The following GPR78 variants were observed in gnomAD, a reference collection of about 807,000 sequenced individuals.
The protein encoded by GPR78 is G protein-coupled receptor 78.
Under a neutral mutation model 17.9 loss-of-function variants are expected in GPR78, and 29 were observed. The observed-to-expected ratio is 1.62, with a 90% CI of 1.20 to 2.21. The LOEUF is 2.21. Ranked by LOEUF, GPR78 falls within the 30% of genes most tolerant of loss-of-function variation. GPR78 has a pLI of 0.00. For missense variants in GPR78, 649 were observed against 530.5 expected, an observed-to-expected ratio of 1.22 and a Z score of -2.19; for synonymous variants, 349 against 256.9, an observed-to-expected ratio of 1.36 and a Z score of -3.43.
In GPR78 at chr4:8,587,491, C is replaced by T. The variant is rs1713562772; in HGVS notation, c.*128C>T. 2.2e-6 allele frequency: 2 copies of T among 897,818 alleles called. No individual in the cohort carries two copies. The highest frequency in any genetic ancestry group is 3.5e-5 in the South Asian group (2 of 56,982). 55.6% of individuals were successfully genotyped at this position (897,818 alleles called of 1,614,324 possible). A position where few individuals can be genotyped will look rare whatever the true frequency, so the allele number is the denominator to read the frequency against. ...TTGACTTTGAGCTAAGGCTGAAGTA[C>T]AGGAGGAGGAGGAGGAGAGGGCCGG... On this transcript the variant is annotated 3_prime_UTR_variant, in exon 3 of 3. Coordinates refer to ENST00000382487, the MANE Select transcript of GPR78 (RefSeq NM_080819.5).
chr4:8,580,678 C>G lies in GPR78; in HGVS notation c.-305C>G. The G allele has an allele frequency of 2.2e-6, 1 of 456,372 alleles. No individual in the cohort carries two copies. Among genetic ancestry groups the G allele is most frequent in the Middle Eastern group, 5.5e-4 (1 of 1,830 alleles). The allele number at this position is 456,372 out of a possible 1,614,324, so 28.3% of individuals were successfully genotyped here. A position where few individuals can be genotyped will look rare whatever the true frequency, so the allele number is the denominator to read the frequency against. On this transcript the variant is annotated 5_prime_UTR_variant, in exon 1 of 3. Coordinates refer to ENST00000382487, the MANE Select transcript of GPR78 (RefSeq NM_080819.5). Reference sequence around the variant, plus strand: ...CGCCCCGCGCCCCTGCGCCTCGCTTCAGCCTCAGGACAGTCCTGCCGGGAC... The same window carrying G: ...CGCCCCGCGCCCCTGCGCCTCGCTTGAGCCTCAGGACAGTCCTGCCGGGAC...
rs1383469660 is a variant in GPR78 at position 8,587,123 on chromosome 4, C to T, written c.852C>T (p.Tyr284=). The T allele has an allele frequency of 7.4e-6, 12 of 1,613,238 alleles. No individual in the cohort carries two copies. The highest frequency in any genetic ancestry group is 1.0e-5 in the Non-Finnish European group (12 of 1,179,954). ...GCATCCTCAGCAAGTGCCTGACCTA[C>T]AGCAAGGCGGTGGCCGACCCGTTCA... The part of the protein sequence containing the change: ...QWGILSKCLT[Y]SKAVADPFTY... The change falls in exon 3 of 3, where the codon TAC becomes TAT. Residue 284 remains tyrosine, a synonymous_variant. Transcript: ENST00000382487.
intron 2 of GPR78, among the ~76,000 whole-genome samples, chr4:8,583,225 G>T (rs1334774071): frequency 6.6e-6 from 1 of 152,146 alleles, no homozygotes; most frequent in East Asian, 1.9e-4. Flanking sequence ...TTGCCTCCGG[G>T]GTTCCTGGGT....
At position 8,581,346 on chromosome 4, in the gene GPR78, T is replaced by A; in HGVS notation, c.364T>A (p.Tyr122Asn). Residue 122 changes from tyrosine to asparagine, a missense_variant, in exon 1 of 3, where the codon TAT becomes AAT. Tyr to Asn is a moderately radical substitution (Grantham distance 143). Transcript: ENST00000382487. ...LRYAGRLRPR[Y>N]AGLLLGCAWG... ...CTACGCCGGACGCCTGCGACCGCGC[T>A]ATGCCGGCCTGCTGCTGGGCTGTGC... 1 of 1,577,658 alleles carries A rather than the reference T, an allele frequency of 6.3e-7. No homozygotes were observed. Among genetic ancestry groups the A allele is most frequent in the African/African-American group, 1.3e-5 (1 of 74,490 alleles).
intron 2 of GPR78, 107 bp from the exon 3 acceptor site, chr4:8,586,947 G>A: frequency 1.0e-6 from 1 of 969,860 alleles, no homozygotes; most frequent in Non-Finnish European, 1.6e-6. Context: ...GTGAGCATCA[G>A]GGCTGCGGTA....
In GPR78 at chr4:8,581,441, C is replaced by G. The variant is rs756563522; in HGVS notation, c.459C>G (p.Phe153Leu). The G allele has an allele frequency of 1.1e-4, 170 of 1,590,506 alleles. 1 individual carries two copies. The highest frequency in any genetic ancestry group is 5.4e-4 in the Middle Eastern group (3 of 5,516). The change falls in exon 1 of 3, where the codon TTC becomes TTG. Residue 153 changes from phenylalanine (F) to leucine (L), a missense_variant. Physicochemically the swap from Phe to Leu is conservative, Grantham distance 22. Transcript: ENST00000382487. ...CGTGGCTTGGCTACAGCAGCGCCTT[C>G]GCGTCCTGTTCGCTGCGCCTGCCGC... ...GCSWLGYSSA[F>L]ASCSLRLPPE... is the part of the protein sequence containing the mutation.
In GPR78 at chr4:8,581,657, G is replaced by C. The variant is rs1713295276; in HGVS notation, c.668+7G>C. 1 of 1,455,140 alleles carries C rather than the reference G, an allele frequency of 6.9e-7. No homozygotes were observed. The highest frequency in any genetic ancestry group is 1.4e-5 in the African/African-American group (1 of 69,858). The allele number at this position is 1,455,140 out of a possible 1,614,324, so 90.1% of individuals were successfully genotyped here. A position where few individuals can be genotyped will look rare whatever the true frequency, so the allele number is the denominator to read the frequency against. Reference sequence around the variant, plus strand: ...TCGCCGACCTGCACCCCAGGTATTGGCCCAGTGCATGCCGACAGGCCCAGG... The same window carrying C: ...TCGCCGACCTGCACCCCAGGTATTGCCCCAGTGCATGCCGACAGGCCCAGG... On this transcript the variant is annotated splice_region_variant and intron_variant, in intron 1 of 2. Coordinates refer to ENST00000382487, the MANE Select transcript of GPR78 (RefSeq NM_080819.5).
At chr4:8,584,035 C>T (rs10006769) in intron 2 of GPR78, among the ~76,000 whole-genome samples, 2,937 of 152,308 alleles carry the variant, frequency 0.019, 92 homozygotes, top group African/African-American at 0.067. Flanking sequence ...TGTATGTGTG[C>T]CCATGTGCCT....
At chr4:8,586,348 T>A (rs1713504429) in intron 2 of GPR78, among the ~76,000 whole-genome samples, 5 of 152,188 alleles carry the variant, frequency 3.3e-5, no homozygotes, top group Admixed American at 3.3e-4. Context: ...TGAGCCTTTC[T>A]TATGGGAGTT....
Position 8,581,597 on chromosome 4 carries a change from C to G in GPR78, c.615C>G (p.Arg205=). Residue 205 remains arginine, a synonymous_variant, in exon 1 of 3, where the codon CGC becomes CGG. Transcript: ENST00000382487. ...VHRVARRHCQ[R]MDTVTMKALA... Reference sequence around the variant, plus strand: ...GGGTGGCACGCAGACACTGCCAGCGCATGGACACCGTCACCATGAAGGCGC... The same window carrying G: ...GGGTGGCACGCAGACACTGCCAGCGGATGGACACCGTCACCATGAAGGCGC... 5.2e-6 allele frequency: 8 copies of G among 1,550,350 alleles called. No individual in the cohort carries two copies. Among genetic ancestry groups the G allele is most frequent in the Non-Finnish European group, 6.9e-6 (8 of 1,155,042 alleles).
chr4:8,581,034 G>A lies in GPR78; in HGVS notation c.52G>A (p.Val18Met), dbSNP rs140396267. Residue 18 changes from valine (V) to methionine (M), a missense_variant, in exon 1 of 3, where the codon GTG becomes ATG. By Grantham distance (21) the Val-to-Met change is conservative (BLOSUM62 1). Coordinates refer to ENST00000382487, the MANE Select transcript of GPR78 (RefSeq NM_080819.5). ...LAGLLVMVLA[V>M]ALLSNALVLL... Reference sequence around the variant, plus strand: ...GGGTCTCCTGGTGATGGTACTGGCCGTGGCGCTGCTATCCAACGCACTGGT... The same window carrying A: ...GGGTCTCCTGGTGATGGTACTGGCCATGGCGCTGCTATCCAACGCACTGGT... 148 of 1,602,332 alleles carry A rather than the reference G, an allele frequency of 9.2e-5. No homozygotes were observed. The Middle Eastern group carries it at 3.4e-3, about 37-fold the overall frequency.
At position 8,581,666 on chromosome 4, in the gene GPR78, A is replaced by G; in HGVS notation, c.668+16A>G. ...TGCACCCCAGGTATTGGCCCAGTGCATGCCGACAGGCCCAGGCCAGGGACT... is the reference window on the plus strand; with the variant it reads ...TGCACCCCAGGTATTGGCCCAGTGCGTGCCGACAGGCCCAGGCCAGGGACT... On this transcript the variant is annotated intron_variant, in intron 1 of 2. Transcript: ENST00000382487. 2.8e-6 allele frequency: 4 copies of G among 1,438,358 alleles called. No homozygotes were observed. The highest frequency in any genetic ancestry group is 3.6e-6 in the Non-Finnish European group (4 of 1,099,794). The allele number at this position is 1,438,358 out of a possible 1,614,324, so 89.1% of individuals were successfully genotyped here. A position where few individuals can be genotyped will look rare whatever the true frequency, so the allele number is the denominator to read the frequency against.
At chr4:8,582,103 C>G (rs570843239) in intron 1 of GPR78, among the ~76,000 whole-genome samples, 2 of 152,264 alleles carry the variant, frequency 1.3e-5, no homozygotes, top group East Asian at 1.9e-4. Flanking sequence ...GAATCTCTAG[C>G]TGGTGTCGCC....
intron 2 of GPR78, among the ~76,000 whole-genome samples, chr4:8,585,445 C>T (rs1336200486): frequency 6.6e-6 from 1 of 152,312 alleles, no homozygotes; most frequent in Admixed American, 6.5e-5. Context: ...ATGCCAGCCT[C>T]CTCAGATCCT....
In GPR78 at chr4:8,587,485, G is replaced by T; in HGVS notation, c.*122G>T. ...AGTGGCTTGACTTTGAGCTAAGGCT[G>T]AAGTACAGGAGGAGGAGGAGGAGAG... On this transcript the variant is annotated 3_prime_UTR_variant, in exon 3 of 3. Transcript: ENST00000382487. 2 of 942,206 alleles carry T rather than the reference G, an allele frequency of 2.1e-6. No homozygotes were observed. The highest frequency in any genetic ancestry group is 1.6e-6 in the Non-Finnish European group (1 of 626,932). The allele number at this position is 942,206 out of a possible 1,614,324, so 58.4% of individuals were successfully genotyped here.
chr4:8,584,531 G>C (rs977234402), intron 2 of GPR78, among the ~76,000 whole-genome samples: 11 of 152,260 alleles, frequency 7.2e-5, no homozygotes, highest in Non-Finnish European at 1.6e-4. Context: ...TTTGTGCCTG[G>C]TCATGCAGTT....
intron 2 of GPR78, among the ~76,000 whole-genome samples, chr4:8,583,408 C>T (rs1713375272): frequency 6.6e-6 from 1 of 152,130 alleles, no homozygotes; most frequent in African/African-American, 2.4e-5. Context: ...TGGCCAGGCC[C>T]CTGAAGCGCT....
intron 2 of GPR78, among the ~76,000 whole-genome samples, chr4:8,584,074 G>T (rs751898143): frequency 2.1e-4 from 32 of 152,136 alleles, no homozygotes; most frequent in Non-Finnish European, 4.0e-4. Context: ...ATGTTGTGAG[G>T]GTTCATGTGT....
rs1577101281 is a variant in GPR78 at position 8,588,504 on chromosome 4, A to T, written c.*1141A>T. 6.6e-6 allele frequency among the ~76,000 whole-genome samples: 1 copy of T among 152,322 alleles called. No homozygotes were observed. The highest frequency in any genetic ancestry group is 2.1e-4 in the South Asian group (1 of 4,826). On this transcript the variant is annotated 3_prime_UTR_variant, in exon 3 of 3. Transcript: ENST00000382487. ...ACCCGGTGGAGAGGTGTGTGTGTGA[A>T]TGAGTGAGCGAGTGAATGAATGGAC...
Sources: gnomAD v4.1 joint callset for allele counts (sites outside exome capture counted in the v4.1 genomes callset) on GRCh38, gnomAD v4.1.1 for gene constraint, MANE v1.5 for transcripts, NCBI Gene and HGNC (gene_info 2026-07-23, HGNC 2026-07-21) for gene names.